Variants in FBXL17 observed in about 807,000 individuals in gnomAD.
FBXL17 encodes F-box/LRR-repeat protein 17.
A neutral mutation model predicts 66.2 loss-of-function variants in FBXL17; 22 were observed. That is an observed-to-expected ratio of 0.33 (90% CI 0.24 to 0.47). FBXL17 has a LOEUF of 0.47. Among genes scored for constraint, FBXL17 ranks in the 20% least tolerant of loss-of-function variants. FBXL17 has a pLI of 1.00. For synonymous variants in FBXL17, 474 were observed against 400.5 expected (o/e 1.18, Z -2.19); for missense variants, 878 against 948.2 (o/e 0.93, Z 0.97).
intron 4 of FBXL17, among the ~76,000 whole-genome samples, chr5:108,274,785 G>C (rs555204045): frequency 6.6e-6 from 1 of 152,148 alleles, no homozygotes; most frequent in Non-Finnish European, 1.5e-5. Context: ...CTTCTGCCAT[G>C]GCTTCAGCTG....
At chr5:108,222,667 G>A (rs1754917234) in intron 5 of FBXL17, among the ~76,000 whole-genome samples, 1 of 140,434 alleles carries the variant, frequency 7.1e-6, no homozygotes, top group East Asian at 2.3e-4. Context: ...TAGATACTAT[G>A]GCATCTTTTT....
At chr5:108,324,922 AG>A (rs1351857245) in intron 4 of FBXL17, among the ~76,000 whole-genome samples, 2 of 152,118 alleles carry the variant, frequency 1.3e-5, no homozygotes, top group Non-Finnish European at 2.9e-5. Context: ...AATCTGAAAA[AG>A]AAATTAAGGT....
chr5:108,214,993 A>T (rs1754539513), intron 5 of FBXL17, among the ~76,000 whole-genome samples: 1 of 152,206 alleles, frequency 6.6e-6, no homozygotes, highest in Non-Finnish European at 1.5e-5. Context: ...TCTTTATCAT[A>T]ATGCTTCCAA....
intron 8 of FBXL17, among the ~76,000 whole-genome samples, chr5:107,875,873 T>C (rs981740712): frequency 1.3e-5 from 2 of 152,250 alleles, no homozygotes. Context: ...GTCCCTGGCC[T>C]GAAGGCAGCT....
At chr5:108,047,235 T>C (rs906235642) in intron 6 of FBXL17, among the ~76,000 whole-genome samples, 14 of 152,242 alleles carry the variant, frequency 9.2e-5, no homozygotes, top group African/African-American at 3.4e-4. Context: ...CCACCCCTCA[T>C]CCAAAAGAGG....
intron 6 of FBXL17, among the ~76,000 whole-genome samples, chr5:108,154,672 T>TACAC (rs1311263638): frequency 9.7e-5 from 14 of 143,664 alleles, no homozygotes; most frequent in Non-Finnish European, 2.1e-4. Flanking sequence ...CATATATATG[T>TACAC]GTATATATAT....
intron 7 of FBXL17, among the ~76,000 whole-genome samples, chr5:107,962,757 T>A (rs1751970954): frequency 6.6e-6 from 1 of 151,976 alleles, no homozygotes; most frequent in South Asian, 2.1e-4. Context: ...TTTTCATAAA[T>A]TAGAATGGAG....
Position 108,002,182 on chromosome 5 carries a change from A to ATTTTTTTTT in FBXL17, c.1822+18734_1822+18742dup, listed in dbSNP as rs765399250. ...TGGCACACACCACCACACCCAGCTAATTTTTTTTTTTTTTTTTTTTTTAGT... is the reference window on the plus strand; with the variant it reads ...TGGCACACACCACCACACCCAGCTAATTTTTTTTTTTTTTTTTTTTTTTTTTTTTTTAGT... On this transcript the variant is annotated intron_variant, in intron 7 of 8. Coordinates refer to ENST00000542267, the MANE Select transcript of FBXL17 (RefSeq NM_001163315.3). 4.1e-3 allele frequency among the ~76,000 whole-genome samples: 448 copies of ATTTTTTTTT among 109,408 alleles called. 26 individuals are homozygous for ATTTTTTTTT. Among genetic ancestry groups the ATTTTTTTTT allele is most frequent in the African/African-American group, 0.019 (415 of 22,268 alleles). The allele number at this position is 109,408 out of a possible 152,430, so 71.8% of individuals were successfully genotyped here.
rs147533542 is a variant in FBXL17, at chr5:107,951,519, C to G, written c.1822+69406G>C. Among the ~76,000 whole-genome samples the G allele has an allele frequency of 1.5e-3, 224 of 152,286 alleles. 1 individual carries two copies. Among genetic ancestry groups the G allele is most frequent in the African/African-American group, 4.8e-3 (200 of 41,562 alleles). ...GGGCCTGGTGCTGCAATGCACCTAC[C>G]CTGCTAGACTGAATGCCATGAGGTG... On this transcript the variant is annotated intron_variant, in intron 7 of 8. Transcript: ENST00000542267.
chr5:108,084,988 T>C (rs1489656386), intron 6 of FBXL17, among the ~76,000 whole-genome samples: 2 of 152,250 alleles, frequency 1.3e-5, no homozygotes, highest in Non-Finnish European at 2.9e-5. Flanking sequence ...CTTTCAATGA[T>C]TTAACTTGGG....
chr5:108,111,275 C>T (rs1340799674), intron 6 of FBXL17, among the ~76,000 whole-genome samples: 2 of 151,426 alleles, frequency 1.3e-5, no homozygotes, highest in Admixed American at 6.6e-5. Flanking sequence ...GCAGCAGTTA[C>T]AAATAAAGGT....
At chr5:107,883,559 A>G (rs1173397617) in intron 7 of FBXL17, among the ~76,000 whole-genome samples, 1 of 152,140 alleles carries the variant, frequency 6.6e-6, no homozygotes, top group African/African-American at 2.4e-5. Context: ...TCCCTTTCCC[A>G]ACTCCTTAGC....
intron 7 of FBXL17, among the ~76,000 whole-genome samples, chr5:107,908,289 T>C (rs1293848996): frequency 6.6e-6 from 1 of 152,156 alleles, no homozygotes. Flanking sequence ...AGTTAGGTTA[T>C]TTGCTAATTT....
chr5:107,930,912 T>A (rs1439203239), intron 7 of FBXL17, among the ~76,000 whole-genome samples: 3 of 152,224 alleles, frequency 2.0e-5, no homozygotes, highest in African/African-American at 7.2e-5. Flanking sequence ...ACTTTGACAT[T>A]TTCTATTGAT....
At chr5:107,924,060 GTT>G (rs34494908) in intron 7 of FBXL17, among the ~76,000 whole-genome samples, 20,304 of 106,626 alleles carry the variant, frequency 0.19, 1,887 homozygotes, top group Middle Eastern at 0.27. Context: ...TGAGCTTAGT[GTT>G]TTTTTTTTTT....
chr5:108,379,781 A>C (rs1181970508), intron 1 of FBXL17, among the ~76,000 whole-genome samples: 1 of 152,262 alleles, frequency 6.6e-6, no homozygotes, highest in Non-Finnish European at 1.5e-5. Flanking sequence ...CTATTATGTA[A>C]CTAAAGTTTG....
At chr5:108,220,372 CTCTT>C (rs1278601480) in intron 5 of FBXL17, among the ~76,000 whole-genome samples, 1 of 152,136 alleles carries the variant, frequency 6.6e-6, no homozygotes, top group East Asian at 1.9e-4. Context: ...AGTCTGGAAA[CTCTT>C]TCAATGCACT....
At chr5:107,908,045 G>GAAATGTCC (rs1749822783) in intron 7 of FBXL17, among the ~76,000 whole-genome samples, 1 of 152,080 alleles carries the variant, frequency 6.6e-6, no homozygotes. Context: ...GGAACCAACC[G>GAAATGTCC]AAATGTCCAA....
At chr5:107,921,402 A>C (rs1561321735) in intron 7 of FBXL17, among the ~76,000 whole-genome samples, 1 of 152,214 alleles carries the variant, frequency 6.6e-6, no homozygotes, top group South Asian at 2.1e-4. Flanking sequence ...AGTATTAAGA[A>C]ATCAGTAATG....
Sources: gnomAD v4.1 joint callset for allele counts (sites outside exome capture counted in the v4.1 genomes callset) on GRCh38, gnomAD v4.1.1 for gene constraint, MANE v1.5 for transcripts, NCBI Gene and HGNC (gene_info 2026-07-23, HGNC 2026-07-21) for gene names.